The following SAMD7 variants were observed in gnomAD, a reference collection of about 807,000 sequenced individuals.
The protein encoded by SAMD7 is sterile alpha motif domain containing 7, also known as sterile alpha motif domain-containing protein 7.
A neutral mutation model predicts 36.7 loss-of-function variants in SAMD7; 34 were observed. The ratio of observed to expected loss-of-function variants is 0.93; its 90% CI spans 0.71 to 1.23. The LOEUF (loss-of-function observed/expected upper bound fraction) is 1.23. Ranked by LOEUF, SAMD7 falls within the 50% of genes most tolerant of loss-of-function variation. SAMD7 has a pLI of 0.00. For missense variants in SAMD7, 570 were observed against 546.6 expected (o/e 1.04, Z -0.43); for synonymous variants, 188 against 189.7 (o/e 0.99, Z 0.07).
At chr3:169,932,759 T>C (rs1713563183) in intron 7 of SAMD7, 1 of 533,854 alleles carries the variant, frequency 1.9e-6, no homozygotes, top group Non-Finnish European at 3.7e-6. Context: ...CAGGTGGGAG[T>C]ATGATGAGCG....
chr3:169,923,510 A>G (rs1713134117), intron 4 of SAMD7, among the ~76,000 whole-genome samples: 1 of 152,100 alleles, frequency 6.6e-6, no homozygotes, highest in African/African-American at 2.4e-5. Context: ...TTGGGAGGCA[A>G]AGGCGGGCAG....
At chr3:169,918,246 A>T (rs1021218144) in intron 2 of SAMD7, among the ~76,000 whole-genome samples, 7 of 151,944 alleles carry the variant, frequency 4.6e-5, no homozygotes, top group African/African-American at 1.7e-4. Context: ...CCCTACGATT[A>T]GTTATTTTTA....
chr3:169,912,059 G>A (rs1327103879), intron 1 of SAMD7, among the ~76,000 whole-genome samples: 1 of 152,172 alleles, frequency 6.6e-6, no homozygotes. Context: ...CCTGGTCTTA[G>A]TTTTTGGAGT....
rs549699062 is a variant in SAMD7, at chr3:169,927,147, G to T, written c.885G>T (p.Gly295=). ...TTGCAACCTGTGATGAAAAGAATGGGGTTTGCCCTCCAGTTCCTCGACCAT... is the reference window on the plus strand; with the variant it reads ...TTGCAACCTGTGATGAAAAGAATGGTGTTTGCCCTCCAGTTCCTCGACCAT... ...QIFATCDEKN[G]VCPPVPRPSL... The change falls in exon 6 of 9, where the codon GGG becomes GGT. Residue 295 remains glycine, a synonymous_variant. Coordinates refer to ENST00000335556, the MANE Select transcript of SAMD7 (RefSeq NM_001304366.2). The T allele has an allele frequency of 6.5e-7, 1 of 1,549,106 alleles. No individual in the cohort carries two copies. Among genetic ancestry groups the T allele is most frequent in the Admixed American group, 2.1e-5 (1 of 46,566 alleles).
chr3:169,914,427 T>C (rs946662890), intron 1 of SAMD7, among the ~76,000 whole-genome samples: 3 of 152,082 alleles, frequency 2.0e-5, no homozygotes, highest in Non-Finnish European at 2.9e-5. Flanking sequence ...TTAAAACAAA[T>C]GAGGGAAGCC....
intron 8 of SAMD7, among the ~76,000 whole-genome samples, chr3:169,936,805 G>A (rs12632876): frequency 0.023 from 3,450 of 152,092 alleles, 87 homozygotes; most frequent in East Asian, 0.13. Context: ...GTCATCCTCC[G>A]AGAAATCATC....
rs763010533 is a variant in SAMD7 at position 169,938,527 on chromosome 3, T to C, written c.*21T>C. ...ACTAAAAGCCCTCAAGGAGGAAGAA[T>C]AGTCTTAGCCAGTTTTCCAAAGAGC... On this transcript the variant is annotated 3_prime_UTR_variant, in exon 9 of 9. Coordinates refer to ENST00000335556, the MANE Select transcript of SAMD7 (RefSeq NM_001304366.2). 3.9e-6 allele frequency: 6 copies of C among 1,522,134 alleles called. No homozygotes were observed. In the African/African-American group the frequency reaches 8.3e-5, roughly 21 times the overall value. The allele number at this position is 1,522,134 out of a possible 1,614,324, so 94.3% of individuals were successfully genotyped here.
rs1332010067 is a variant in SAMD7, at chr3:169,939,038, T to A, written c.*532T>A. 1 of 152,188 alleles carries A rather than the reference T, an allele frequency of 6.6e-6. No homozygotes were observed. Among genetic ancestry groups the A allele is most frequent in the Non-Finnish European group, 1.5e-5 (1 of 68,122 alleles). The allele number at this position is 152,188 out of a possible 1,614,324, so 9.4% of individuals were successfully genotyped here. ...AAGCTTTAACCTTAAATTTTCGAGT[T>A]TTGGCCAGGCGCGGTGGCTCACGGC... is the stretch of plus-strand genomic sequence containing the variant. On this transcript the variant is annotated 3_prime_UTR_variant, in exon 9 of 9. Transcript: ENST00000335556.
intron 6 of SAMD7, 106 bp from the exon 7 acceptor site, chr3:169,928,351 C>CAA: frequency 2.4e-6 from 2 of 821,706 alleles, no homozygotes; most frequent in Non-Finnish European, 3.9e-6. Flanking sequence ...TCTTGTAAGG[C>CAA]GTTTGCAAAT....
chr3:169,932,207 C>T (rs1576837333), intron 7 of SAMD7: 5 of 788,230 alleles, frequency 6.3e-6, no homozygotes, highest in East Asian at 6.6e-5. Context: ...TAGGAGACTG[C>T]AGCCCAGTGG....
At chr3:169,918,573 C>T (rs1011382804) in intron 2 of SAMD7, among the ~76,000 whole-genome samples, 2 of 152,146 alleles carry the variant, frequency 1.3e-5, no homozygotes, top group African/African-American at 2.4e-5. Flanking sequence ...TAACAGTAGT[C>T]CTTTTTTCTG....
chr3:169,916,228 T>A (rs1712793043), intron 2 of SAMD7, among the ~76,000 whole-genome samples: 1 of 152,196 alleles, frequency 6.6e-6, no homozygotes, highest in African/African-American at 2.4e-5. Flanking sequence ...GTACAACTCA[T>A]AGAAGCAGAA....
intron 7 of SAMD7, among the ~76,000 whole-genome samples, chr3:169,935,157 T>C (rs1713674872): frequency 6.6e-6 from 1 of 152,204 alleles, no homozygotes; most frequent in African/African-American, 2.4e-5. Flanking sequence ...CGAAACCCTT[T>C]GGAGAAATCT....
At chr3:169,931,756 G>C (rs1713503502) in intron 7 of SAMD7, among the ~76,000 whole-genome samples, 1 of 152,188 alleles carries the variant, frequency 6.6e-6, no homozygotes, top group Non-Finnish European at 1.5e-5. Context: ...AGCTGCAGTG[G>C]TGGTGGCAGT....
At position 169,925,146 on chromosome 3, in the gene SAMD7, C is replaced by A. The variant is rs1174728317; in HGVS notation, c.290+10C>A. 1.3e-6 allele frequency: 2 copies of A among 1,586,618 alleles called. No individual in the cohort carries two copies. The highest frequency in any genetic ancestry group is 1.7e-6 in the Non-Finnish European group (2 of 1,160,562). Reference sequence around the variant, plus strand: ...GGCATCATACTGCCAGGTAATTTGGCAATGTTGTTTTATTTATTCTCTATT... The same window carrying A: ...GGCATCATACTGCCAGGTAATTTGGAAATGTTGTTTTATTTATTCTCTATT... On this transcript the variant is annotated intron_variant, in intron 5 of 8. Coordinates refer to ENST00000335556, the MANE Select transcript of SAMD7 (RefSeq NM_001304366.2).
At chr3:169,937,746 T>G (rs1713776509) in intron 8 of SAMD7, among the ~76,000 whole-genome samples, 2 of 152,232 alleles carry the variant, frequency 1.3e-5, no homozygotes, top group South Asian at 4.1e-4. Context: ...TGTAATAGAA[T>G]GATTTATATT....
chr3:169,921,251 A>C lies in SAMD7; in HGVS notation c.124A>C (p.Arg42=). ...LPSTVAPTDP[R]QFCVPSQFGS... ...TTCCACCGTAGCTCCAACTGACCCA[A>C]GACAGTTTTGCGTTCCTTCCCAATT... The change falls in exon 4 of 9, where the codon AGA becomes CGA. Residue 42 remains arginine, a synonymous_variant. Transcript: ENST00000335556. 4 of 1,613,864 alleles carry C rather than the reference A, an allele frequency of 2.5e-6. No individual in the cohort carries two copies. Among genetic ancestry groups the C allele is most frequent in the Non-Finnish European group, 3.4e-6 (4 of 1,179,734 alleles).
In SAMD7 at chr3:169,926,801, G is replaced by A. The variant is rs1190259557; in HGVS notation, c.539G>A (p.Arg180Lys). 6.2e-7 allele frequency: 1 copy of A among 1,613,978 alleles called. No homozygotes were observed. Among genetic ancestry groups the A allele is most frequent in the African/African-American group, 1.3e-5 (1 of 74,954 alleles). The change falls in exon 6 of 9, where the codon AGA becomes AAA. Residue 180 changes from arginine to lysine, a missense_variant. Coordinates refer to ENST00000335556, the MANE Select transcript of SAMD7 (RefSeq NM_001304366.2). ...CACTTTGAGGAGAGCTGGGGGCAGA[G>A]ATGTCGTCGACTCAGGAAAAATACA... ...APHFEESWGQ[R>K]CRRLRKNTGN...
intron 7 of SAMD7, among the ~76,000 whole-genome samples, chr3:169,933,950 G>A (rs923944398): frequency 6.6e-6 from 1 of 152,246 alleles, no homozygotes; most frequent in Non-Finnish European, 1.5e-5. Context: ...GAGAGGTGAG[G>A]CAGGAGGGAG....
Sources: gnomAD v4.1 joint callset for allele counts (sites outside exome capture counted in the v4.1 genomes callset) on GRCh38, gnomAD v4.1.1 for gene constraint, MANE v1.5 for transcripts, NCBI Gene and HGNC (gene_info 2026-07-23, HGNC 2026-07-21) for gene names.